Variants in PLCH1 observed in about 807,000 individuals in gnomAD.
PLCH1 encodes the protein phospholipase C eta 1.
Under a neutral mutation model 126.7 loss-of-function variants are expected in PLCH1, and 60 were observed. The observed-to-expected ratio is 0.47, with a 90% confidence interval of 0.38 to 0.59. PLCH1 has a LOEUF of 0.59. Among genes scored for constraint, PLCH1 ranks in the 20% least tolerant of loss-of-function variants. The pLI is 0.00. For missense variants in PLCH1, 1,723 were observed against 2,040.0 expected (o/e 0.84, Z 2.99); for synonymous variants, 719 against 734.9 (o/e 0.98, Z 0.35).
rs372260991 is a variant in PLCH1 at position 155,549,977 on chromosome 3, A to C, written c.1191-19T>G. 2.5e-4 allele frequency: 397 copies of C among 1,601,828 alleles called. 1 individual carries two copies. The South Asian group carries it at 2.6e-3, about 10-fold the overall frequency. ...AGGAAACCTGAGAAAAGAGCAACAC[A>C]GTCCAGAGGCGTCAGGTGCAGGCAA... On this transcript the variant is annotated intron_variant, in intron 9 of 22. Transcript: ENST00000460012.
chr3:155,472,659 C>A (rs1198680269), intron 21 of PLCH1, among the ~76,000 whole-genome samples: 1 of 151,548 alleles, frequency 6.6e-6, no homozygotes, highest in South Asian at 2.1e-4. Context: ...CCTTGATGAA[C>A]ATTGATGCAA....
At chr3:155,733,803 G>T (rs537873995) in intron 1 of PLCH1, among the ~76,000 whole-genome samples, 2 of 151,550 alleles carry the variant, frequency 1.3e-5, no homozygotes, top group East Asian at 3.9e-4. Context: ...CTGATAAGGG[G>T]TTAATATTCA....
intron 2 of PLCH1, among the ~76,000 whole-genome samples, chr3:155,622,554 A>G (rs549812977): frequency 6.6e-6 from 1 of 151,420 alleles, no homozygotes; most frequent in South Asian, 2.1e-4. Flanking sequence ...CTCAAAATAA[A>G]GAAATGGAGG....
Position 155,594,122 on chromosome 3 carries a change from C to T in PLCH1, c.289G>A (p.Ala97Thr). 1 of 1,614,006 alleles carries T rather than the reference C, an allele frequency of 6.2e-7. No individual in the cohort carries two copies. The highest frequency in any genetic ancestry group is 1.1e-5 in the South Asian group (1 of 91,070). The stretch of plus-strand genomic sequence containing the variant: ...CAGCTGGGGTCGAAGTTCCCCTCAG[C>T]TTGTCTGTGGAATATTTCAGACTGC... ...GRQSEIFHRQAEGNFDPSCCF... is the reference protein window; with the variant it reads ...GRQSEIFHRQTEGNFDPSCCF... Residue 97 changes from alanine (A) to threonine (T), a missense_variant, in exon 4 of 23, where the codon GCT becomes ACT. Around this residue, in one of 2 missense-constraint regions of PLCH1, gnomAD observed 776 missense variants for 1,062.9 expected, o/e 0.73. Transcript: ENST00000460012.
At chr3:155,631,359 T>C (rs931797456) in intron 2 of PLCH1, among the ~76,000 whole-genome samples, 2 of 152,166 alleles carry the variant, frequency 1.3e-5, no homozygotes, top group Non-Finnish European at 2.9e-5. Flanking sequence ...TTAAATATGA[T>C]GCATGCACTT....
chr3:155,629,339 C>T (rs1387325951), intron 2 of PLCH1, among the ~76,000 whole-genome samples: 1 of 152,166 alleles, frequency 6.6e-6, no homozygotes, highest in Non-Finnish European at 1.5e-5. Flanking sequence ...GTGGCCTAAT[C>T]CCATGGCATT....
chr3:155,621,322 G>A (rs753188830), intron 2 of PLCH1, among the ~76,000 whole-genome samples: 5 of 152,126 alleles, frequency 3.3e-5, no homozygotes, highest in Non-Finnish European at 7.4e-5. Flanking sequence ...AGCGCAAAAC[G>A]ACTGAAAATT....
Position 155,670,311 on chromosome 3 carries a change from C to T in PLCH1, c.79+33835G>A, listed in dbSNP as rs116264875. 3.5e-3 allele frequency among the ~76,000 whole-genome samples: 526 copies of T among 152,188 alleles called. 8 individuals are homozygous for T. The highest frequency in any genetic ancestry group is 0.011 in the African/African-American group (467 of 41,532). On this transcript the variant is annotated intron_variant, in intron 2 of 22. Coordinates refer to ENST00000460012, the MANE Select transcript of PLCH1 (RefSeq NM_014996.4). ...ACCATCTGGGGAAAGAGGGTTGCCT[C>T]AGAGCCCTGCTTGTATATTTTCTCA...
rs757748832 is a variant in PLCH1 at position 155,583,559 on chromosome 3, G to A, written c.684C>T (p.Asp228=). 3.7e-6 allele frequency: 6 copies of A among 1,603,724 alleles called. No individual in the cohort carries two copies. The highest frequency in any genetic ancestry group is 2.3e-5 in the East Asian group (1 of 44,256). The change falls in exon 6 of 23, where the codon GAC becomes GAT. Residue 228 remains aspartate (D), a synonymous_variant. Coordinates refer to ENST00000460012, the MANE Select transcript of PLCH1 (RefSeq NM_014996.4). ...TGTAGCTCAAAAGTAACAAATAAAG[G>A]TCTCGTCTCAAAGACATCATTTTGT... ...VFYKMMSLRR[D]LYLLLLSYSD...
intron 1 of PLCH1, among the ~76,000 whole-genome samples, chr3:155,717,934 A>G (rs1747652225): frequency 6.6e-6 from 1 of 152,130 alleles, no homozygotes; most frequent in African/African-American, 2.4e-5. Context: ...TGAATTTTCC[A>G]CACTCTTAAG....
intron 2 of PLCH1, among the ~76,000 whole-genome samples, chr3:155,641,793 A>T (rs73156530): frequency 0.012 from 1,893 of 152,196 alleles, 24 homozygotes; most frequent in South Asian, 0.027. Flanking sequence ...GGGCACCTGG[A>T]TCCTATCAAT....
intron 2 of PLCH1, among the ~76,000 whole-genome samples, chr3:155,656,485 G>A (rs1236251870): frequency 1.3e-5 from 2 of 152,020 alleles, no homozygotes; most frequent in Non-Finnish European, 2.9e-5. Flanking sequence ...ATGAGAAAAT[G>A]TTTCCTTCTT....
intron 1 of PLCH1, among the ~76,000 whole-genome samples, chr3:155,711,496 T>C (rs1449657846): frequency 2.0e-5 from 3 of 151,898 alleles, no homozygotes; most frequent in Non-Finnish European, 2.9e-5. Context: ...CTTTTAAAAC[T>C]CGACAATGAA....
intron 1 of PLCH1, among the ~76,000 whole-genome samples, chr3:155,726,862 A>AT (rs1168394858): frequency 6.9e-6 from 1 of 145,468 alleles, no homozygotes; most frequent in African/African-American, 2.5e-5. Flanking sequence ...CACCCGGCTA[A>AT]TTTTTTTTCT....
intron 1 of PLCH1, among the ~76,000 whole-genome samples, chr3:155,732,959 T>A (rs369277479): frequency 1.8e-4 from 27 of 146,082 alleles, no homozygotes; most frequent in African/African-American, 6.9e-4. Context: ...AAGAAAATAA[T>A]CCCATTTACA....
chr3:155,631,506 T>C (rs1434475673), intron 2 of PLCH1, among the ~76,000 whole-genome samples: 1 of 152,194 alleles, frequency 6.6e-6, no homozygotes, highest in Non-Finnish European at 1.5e-5. Flanking sequence ...GAATGAACAA[T>C]GTATCGAACT....
At chr3:155,496,453 G>C (rs917100637) in intron 15 of PLCH1, among the ~76,000 whole-genome samples, 22 of 151,986 alleles carry the variant, frequency 1.4e-4, no homozygotes, top group African/African-American at 5.1e-4. Flanking sequence ...TTTGAAGAAG[G>C]AATCAAGGCC....
chr3:155,483,370 A>T (rs975771558), intron 22 of PLCH1: 2 of 1,544,126 alleles, frequency 1.3e-6, no homozygotes, highest in African/African-American at 2.7e-5. Context: ...TCCTATTCAG[A>T]TTTGTACTAC....
chr3:155,480,385 G>C lies in PLCH1; in HGVS notation c.*583C>G, dbSNP rs1713826656. 6.5e-6 allele frequency: 1 copy of C among 152,780 alleles called. No homozygotes were observed. Among genetic ancestry groups the C allele is most frequent in the South Asian group, 2.1e-4 (1 of 4,834 alleles). The allele number at this position is 152,780 out of a possible 1,614,324, so 9.5% of individuals were successfully genotyped here. ...CGGCCTATTCCAAAAAGTGGGAAGG[G>C]CATGGGGAGCAGCTATCCATCCCCT... On this transcript the variant is annotated 3_prime_UTR_variant, in exon 23 of 23. Transcript: ENST00000460012.
Sources: gnomAD v4.1 joint callset for allele counts (sites outside exome capture counted in the v4.1 genomes callset) on GRCh38, gnomAD v4.1.1 for gene constraint, gnomAD v4.1.1 regional missense constraint, MANE v1.5 for transcripts, NCBI Gene and HGNC (gene_info 2026-07-23, HGNC 2026-07-21) for gene names.